The following TNXB variants were observed in gnomAD, a reference collection of about 807,000 sequenced individuals.
TNXB encodes the protein tenascin XB, also known as tenascin-X.
A neutral mutation model predicts 340.5 loss-of-function variants in TNXB; 183 were observed. The ratio of observed to expected loss-of-function variants is 0.54; its 90% CI spans 0.48 to 0.61. The LOEUF (loss-of-function observed/expected upper bound fraction) is 0.61. TNXB is among the 20% of genes least tolerant of loss of function. TNXB has a pLI of 0.00. For missense variants in TNXB, 4,613 were observed against 5,446.4 expected, an observed-to-expected ratio of 0.85 and a Z score of 4.82; for synonymous variants, 2,121 against 2,314.5, an observed-to-expected ratio of 0.92 and a Z score of 2.40.
In TNXB at chr6:32,097,732, T is replaced by A. The variant is rs2127293888; in HGVS notation, c.403+64A>T. 6.8e-7 allele frequency: 1 copy of A among 1,472,920 alleles called. No homozygotes were observed. The highest frequency in any genetic ancestry group is 1.4e-5 in the African/African-American group (1 of 70,954). The allele number at this position is 1,472,920 out of a possible 1,614,324, so 91.2% of individuals were successfully genotyped here. On this transcript the variant is annotated intron_variant, in intron 2 of 43. Coordinates refer to ENST00000644971, the MANE Select transcript of TNXB (RefSeq NM_001365276.2). The surrounding 1 kb of genome is among the most constrained non-coding windows in gnomAD (Gnocchi z 5.9). ...CTTCTTCTAATTCATACCAAGGACC[T>A]TTATGGACTAGCAATGCCCACCCCA... is the stretch of plus-strand genomic sequence containing the variant.
chr6:32,108,961 T>G lies in TNXB; in HGVS notation c.-9+220A>C, dbSNP rs1781110729. Among the ~76,000 whole-genome samples the G allele has an allele frequency of 6.6e-6, 1 of 152,062 alleles. No homozygotes were observed. Among genetic ancestry groups the G allele is most frequent in the South Asian group, 2.1e-4 (1 of 4,828 alleles). On this transcript the variant is annotated intron_variant, in intron 1 of 43. Transcript: ENST00000644971. This position sits in a 1 kb window ranked among gnomAD's most constrained non-coding sequence, Gnocchi z 4.8. ...ATCCCATCCAAACCCTGACACATACTGCCCACCCCAACACACACATACCAC... is the reference window on the plus strand; with the variant it reads ...ATCCCATCCAAACCCTGACACATACGGCCCACCCCAACACACACATACCAC...
chr6:32,067,973 C>G lies in TNXB; in HGVS notation c.6232G>C (p.Glu2078Gln). ...CTGGGTTCTGTGGGGCTGGGGGTCT[C>G]TTCCTCTGCAGCTGAGAAGGAGGAA... ...SVVGVTAAEEETPSPTEPSME... is the reference protein window; with the variant it reads ...SVVGVTAAEEQTPSPTEPSME... Residue 2078 changes from glutamate (E) to glutamine (Q), a missense_variant, in exon 18 of 44, where the codon GAG becomes CAG. This residue lies in a region of TNXB where 4,327 missense variants were observed against 4,859.4 expected (regional missense o/e 0.89). Coordinates refer to ENST00000644971, the MANE Select transcript of TNXB (RefSeq NM_001365276.2). The surrounding 1 kb of genome is among the most constrained non-coding windows in gnomAD (Gnocchi z 4.2). The G allele has an allele frequency of 6.2e-7, 1 of 1,610,858 alleles. No homozygotes were observed.
At chr6:32,095,588 A>G in intron 3 of TNXB, 23 bp downstream of exon 3, 3 of 1,598,026 alleles carry the variant, frequency 1.9e-6, no homozygotes, top group Non-Finnish European at 2.6e-6. Flanking sequence ...CCCAGAGTAC[A>G]CTGGGGAAGG....
rs1182460048 is a variant in TNXB, at chr6:32,073,623, G to T, written c.4681+24C>A. 2.5e-6 allele frequency: 4 copies of T among 1,594,850 alleles called. No homozygotes were observed. The highest frequency in any genetic ancestry group is 3.4e-6 in the Non-Finnish European group (4 of 1,169,214). On this transcript the variant is annotated intron_variant, in intron 12 of 43. Coordinates refer to ENST00000644971, the MANE Select transcript of TNXB (RefSeq NM_001365276.2). This position sits in a 1 kb window ranked among gnomAD's most constrained non-coding sequence, Gnocchi z 4.6. ...GGGAGCTCTGGGTAACCAGAGATGA[G>T]GACTGAGTCCCCCCATTACTCACCC...
At chr6:32,091,277 A>C (rs1003649972) in intron 4 of TNXB, among the ~76,000 whole-genome samples, 1 of 151,660 alleles carries the variant, frequency 6.6e-6, no homozygotes, top group Admixed American at 6.6e-5. Context: ...TGTCCGGCTA[A>C]TTTTGTATTT....
In TNXB at chr6:32,068,202, G is replaced by GC. The variant is rs1330404019; in HGVS notation, c.6220+187dup. 1.2e-4 allele frequency among the ~76,000 whole-genome samples: 19 copies of GC among 152,252 alleles called. No homozygotes were observed. The highest frequency in any genetic ancestry group is 4.6e-4 in the African/African-American group (19 of 41,532). Reference sequence around the variant, plus strand: ...CACCAGCACAGCAAAATTCCCGATGGCCCCTCTCTGTTCAGGAGGAGCCAG... The same window carrying GC: ...CACCAGCACAGCAAAATTCCCGATGGCCCCCTCTCTGTTCAGGAGGAGCCAG... On this transcript the variant is annotated intron_variant, in intron 17 of 43. Coordinates refer to ENST00000644971, the MANE Select transcript of TNXB (RefSeq NM_001365276.2). The surrounding 1 kb of genome is among the most constrained non-coding windows in gnomAD (Gnocchi z 5.3).
chr6:32,056,660 T>C lies in TNXB; in HGVS notation c.8069A>G (p.His2690Arg). ...GCCGTACAGGTTCATCTTGTATTTA[T>C]GGTCTGGCTCCAGGCCTGAGATGGT... The part of the protein sequence containing the change: ...GVTISGLEPD[H>R]KYKMNLYGFH... The change falls in exon 23 of 44, where the codon CAT becomes CGT. Residue 2690 changes from histidine (H) to arginine (R), a missense_variant. Physicochemically the swap from His to Arg is conservative, Grantham distance 29. Transcript: ENST00000644971. 6.2e-7 allele frequency: 1 copy of C among 1,613,130 alleles called. No individual in the cohort carries two copies. Among genetic ancestry groups the C allele is most frequent in the Non-Finnish European group, 8.5e-7 (1 of 1,179,874 alleles).
rs1469796089 is a variant in TNXB, at chr6:32,041,232, C to T, written c.*117G>A. The stretch of plus-strand genomic sequence containing the variant: ...CCCTGTAAACACAGTGCTGCGAGAT[C>T]GCTGGCAGAGAAGGCTTCCTCCAGC... On this transcript the variant is annotated 3_prime_UTR_variant, in exon 44 of 44. Coordinates refer to ENST00000644971, the MANE Select transcript of TNXB (RefSeq NM_001365276.2). The T allele has an allele frequency of 4.0e-5, 34 of 851,012 alleles. No homozygotes were observed. Among genetic ancestry groups the T allele is most frequent in the South Asian group, 2.9e-4 (21 of 73,236 alleles). 52.7% of individuals were successfully genotyped at this position (851,012 alleles called of 1,614,324 possible).
intron 24 of TNXB, among the ~76,000 whole-genome samples, chr6:32,055,555 C>T (rs969027400): frequency 6.6e-6 from 1 of 152,078 alleles, no homozygotes. Context: ...GAATCAGGGA[C>T]GCAGAAAAAT....
rs112369224 is a variant in TNXB at position 32,064,572 on chromosome 6, C to T, written c.6841+249G>A. ...AAATGGGCTGAAGCTATGGTCAACC[C>T]CAGGTGTGCCTCAGTCTGTGTTATT... On this transcript the variant is annotated intron_variant, in intron 19 of 43. Transcript: ENST00000644971. This position sits in a 1 kb window ranked among gnomAD's most constrained non-coding sequence, Gnocchi z 5.3. Among the ~76,000 whole-genome samples the T allele has an allele frequency of 5.7e-3, 870 of 152,192 alleles. 7 individuals are homozygous for T. Among genetic ancestry groups the T allele is most frequent in the African/African-American group, 0.016 (679 of 41,514 alleles).
At chr6:32,076,043 A>G (rs1779066292) in intron 11 of TNXB, among the ~76,000 whole-genome samples, 1 of 152,180 alleles carries the variant, frequency 6.6e-6, no homozygotes, top group Non-Finnish European at 1.5e-5. Flanking sequence ...GTGACCACCA[A>G]GTATTGAACA....
intron 21 of TNXB, among the ~76,000 whole-genome samples, chr6:32,060,801 G>T (rs923660899): frequency 1.3e-5 from 2 of 151,898 alleles, no homozygotes; most frequent in African/African-American, 4.9e-5. Context: ...ACCATGCTTG[G>T]CTAATTTTTG....
rs1031608772 is a variant in TNXB at position 32,081,885 on chromosome 6, G to A, written c.3736+151C>T. 2.7e-5 allele frequency: 21 copies of A among 784,398 alleles called. No individual in the cohort carries two copies. The highest frequency in any genetic ancestry group is 1.9e-4 in the African/African-American group (11 of 58,138). The allele number at this position is 784,398 out of a possible 1,614,324, so 48.6% of individuals were successfully genotyped here. A position where few individuals can be genotyped will look rare whatever the true frequency, so the allele number is the denominator to read the frequency against. Reference sequence around the variant, plus strand: ...TGGGATGGAAGGGGCCCAGCAGTGCGGGGGAGTCTGGCTGCCCCTCAGCCC... The same window carrying A: ...TGGGATGGAAGGGGCCCAGCAGTGCAGGGGAGTCTGGCTGCCCCTCAGCCC... On this transcript the variant is annotated intron_variant, in intron 9 of 43. Coordinates refer to ENST00000644971, the MANE Select transcript of TNXB (RefSeq NM_001365276.2). This position sits in a 1 kb window ranked among gnomAD's most constrained non-coding sequence, Gnocchi z 5.1.
In TNXB at chr6:32,068,933, G is replaced by C. The variant is rs755808228; in HGVS notation, c.5791C>G (p.Arg1931Gly). Residue 1931 changes from arginine (R) to glycine (G), a missense_variant, in exon 16 of 44, where the codon CGG becomes GGG. By Grantham distance (125) the Arg-to-Gly change is moderately radical (BLOSUM62 -2). Coordinates refer to ENST00000644971, the MANE Select transcript of TNXB (RefSeq NM_001365276.2). This position sits in a 1 kb window ranked among gnomAD's most constrained non-coding sequence, Gnocchi z 5.3. ...AGGCCAGAGAGGGTGATGTCATTCCGGTCACCTCCTATGCGGACCATTTGG... is the reference window on the plus strand; with the variant it reads ...AGGCCAGAGAGGGTGATGTCATTCCCGTCACCTCCTATGCGGACCATTTGG... ...QLQMVRIGGDRNDITLSGLES... is the reference protein window; with the variant it reads ...QLQMVRIGGDGNDITLSGLES... The C allele has an allele frequency of 2.5e-6, 4 of 1,612,794 alleles. No homozygotes were observed. The South Asian group carries it at 4.4e-5, about 18-fold the overall frequency.
intron 26 of TNXB, 111 bp from the exon 27 acceptor site, chr6:32,050,432 G>A (rs761281108): frequency 9.0e-5 from 123 of 1,363,322 alleles, no homozygotes; most frequent in Non-Finnish European, 1.1e-4. Flanking sequence ...TGCCCACAGC[G>A]CCTCCAGCAC....
Position 32,068,306 on chromosome 6 carries a change from T to G in TNXB, c.6220+84A>C. The G allele has an allele frequency of 6.5e-7, 1 of 1,533,390 alleles. No homozygotes were observed. The highest frequency in any genetic ancestry group is 8.8e-7 in the Non-Finnish European group (1 of 1,134,724). The allele number at this position is 1,533,390 out of a possible 1,614,324, so 95.0% of individuals were successfully genotyped here. A position where few individuals can be genotyped will look rare whatever the true frequency, so the allele number is the denominator to read the frequency against. On this transcript the variant is annotated intron_variant, in intron 17 of 43. Transcript: ENST00000644971. This position sits in a 1 kb window ranked among gnomAD's most constrained non-coding sequence, Gnocchi z 5.3. Reference sequence around the variant, plus strand: ...GTCTGTGGTGCTGACCAGACCCTTGTCCCATTCCCCACCAGTCATCACCAA... The same window carrying G: ...GTCTGTGGTGCTGACCAGACCCTTGGCCCATTCCCCACCAGTCATCACCAA...
At chr6:32,041,625 A>T (rs1776405124) in intron 43 of TNXB, 146 bp downstream of exon 43, 1 of 1,095,984 alleles carries the variant, frequency 9.1e-7, no homozygotes, top group Non-Finnish European at 1.4e-6. Flanking sequence ...CAGCCAATAA[A>T]TCAACTCCAG....
In TNXB at chr6:32,062,067, G is replaced by C; in HGVS notation, c.7168+90C>G. 2 of 1,470,428 alleles carry C rather than the reference G, an allele frequency of 1.4e-6. No homozygotes were observed. Among genetic ancestry groups the C allele is most frequent in the Non-Finnish European group, 1.8e-6 (2 of 1,088,010 alleles). 91.1% of individuals were successfully genotyped at this position (1,470,428 alleles called of 1,614,324 possible). A position where few individuals can be genotyped will look rare whatever the true frequency, so the allele number is the denominator to read the frequency against. On this transcript the variant is annotated intron_variant, in intron 20 of 43. Coordinates refer to ENST00000644971, the MANE Select transcript of TNXB (RefSeq NM_001365276.2). The surrounding 1 kb of genome is among the most constrained non-coding windows in gnomAD (Gnocchi z 4.3). ...ACAAGTAGGTCTGTGGTGCTGACCA[G>C]ACCCGTCCCATTCCCCACCAGTCAT...
At chr6:32,076,875 G>C (rs374571611) in intron 11 of TNXB, among the ~76,000 whole-genome samples, 182 of 152,280 alleles carry the variant, frequency 1.2e-3, no homozygotes, top group African/African-American at 4.1e-3. Flanking sequence ...CCAGCTACTT[G>C]GGGGGCTGAG....
Sources: allele counts gnomAD v4.1 joint callset (sites outside exome capture counted in the v4.1 genomes callset), GRCh38; gene constraint gnomAD v4.1.1; regional missense constraint gnomAD v4.1.1; non-coding constraint Gnocchi (gnomAD v3.1); transcripts MANE v1.5; gene names NCBI Gene and HGNC (gene_info 2026-07-23, HGNC 2026-07-21).